Variants in FSTL5 observed in about 807,000 individuals in gnomAD.
FSTL5 encodes the protein follistatin-related protein 5.
FSTL5 carries 62 observed loss-of-function variants against 89.1 expected under a neutral mutation model. The ratio of observed to expected loss-of-function variants is 0.70; its 90% CI spans 0.57 to 0.86. The LOEUF is 0.86. FSTL5 is among the 40% of genes least tolerant of loss of function. The pLI, the probability that FSTL5 is intolerant of heterozygous loss-of-function variation, is 0.00. For missense variants in FSTL5, 1,057 were observed against 1,001.6 expected (o/e 1.06, Z -0.75); for synonymous variants, 383 against 346.2 (o/e 1.11, Z -1.18).
intron 6 of FSTL5, among the ~76,000 whole-genome samples, chr4:161,675,773 A>G (rs1056509026): frequency 6.6e-6 from 1 of 152,030 alleles, no homozygotes; most frequent in Non-Finnish European, 1.5e-5. Flanking sequence ...AATATAATTT[A>G]TGCTAATGAG....
chr4:161,950,095 A>T (rs930690202), intron 3 of FSTL5, among the ~76,000 whole-genome samples: 1 of 152,136 alleles, frequency 6.6e-6, no homozygotes, highest in Non-Finnish European at 1.5e-5. Flanking sequence ...TTCTGAGTCA[A>T]TACATCTGTT....
intron 7 of FSTL5, among the ~76,000 whole-genome samples, chr4:161,652,801 C>G (rs901838391): frequency 2.6e-5 from 4 of 151,826 alleles, no homozygotes; most frequent in African/African-American, 9.7e-5. Flanking sequence ...TTAATCCTAC[C>G]TAATATACAT....
intron 6 of FSTL5, among the ~76,000 whole-genome samples, chr4:161,664,263 T>A (rs1174970308): frequency 6.6e-6 from 1 of 152,362 alleles, no homozygotes; most frequent in African/African-American, 2.4e-5. Context: ...TTCTTTTCTA[T>A]CGCATAGTCA....
chr4:161,814,250 G>A (rs192669745), intron 4 of FSTL5, among the ~76,000 whole-genome samples: 3 of 152,126 alleles, frequency 2.0e-5, no homozygotes, highest in Admixed American at 2.0e-4. Context: ...CTCTATGAAA[G>A]TCTCATTAAA....
At chr4:161,907,039 T>C (rs1733556601) in intron 4 of FSTL5, among the ~76,000 whole-genome samples, 1 of 152,090 alleles carries the variant, frequency 6.6e-6, no homozygotes, top group Non-Finnish European at 1.5e-5. Flanking sequence ...CAATGTGTCG[T>C]GTAAATGTTT....
At chr4:161,810,958 T>C (rs1730118668) in intron 4 of FSTL5, among the ~76,000 whole-genome samples, 1 of 152,190 alleles carries the variant, frequency 6.6e-6, no homozygotes, top group Non-Finnish European at 1.5e-5. Flanking sequence ...AAAGTAACTA[T>C]GCGTCAGCCT....
intron 13 of FSTL5, among the ~76,000 whole-genome samples, chr4:161,468,680 T>C (rs942015252): frequency 6.6e-6 from 1 of 152,174 alleles, no homozygotes; most frequent in Non-Finnish European, 1.5e-5. Context: ...GATTTCTTCT[T>C]GTGTTTCATG....
chr4:161,536,735 GC>G (rs1234053750), intron 10 of FSTL5, among the ~76,000 whole-genome samples: 16 of 152,112 alleles, frequency 1.1e-4, no homozygotes, highest in Admixed American at 1.0e-3. Context: ...GACTAAGGGA[GC>G]TTTGGCTAGG....
At chr4:161,493,340 TCAC>T (rs1465559021) in intron 12 of FSTL5, among the ~76,000 whole-genome samples, 2 of 151,844 alleles carry the variant, frequency 1.3e-5, no homozygotes, top group Admixed American at 6.6e-5. Context: ...AGAAATATCA[TCAC>T]TAACTACCTT....
chr4:161,731,815 G>A (rs1469894670), intron 6 of FSTL5, among the ~76,000 whole-genome samples: 2 of 151,548 alleles, frequency 1.3e-5, no homozygotes, highest in Admixed American at 1.3e-4. Context: ...CCATTTTGTT[G>A]TGTGCATCGG....
At chr4:161,545,053 G>C (rs1296310025) in intron 8 of FSTL5, among the ~76,000 whole-genome samples, 3 of 151,948 alleles carry the variant, frequency 2.0e-5, no homozygotes, top group East Asian at 3.9e-4. Context: ...ATAACTTTCT[G>C]TTTCTAGTAA....
chr4:161,807,447 T>C (rs938708595), intron 4 of FSTL5, among the ~76,000 whole-genome samples: 3 of 152,234 alleles, frequency 2.0e-5, no homozygotes, highest in East Asian at 3.9e-4. Context: ...CTGGACAGAA[T>C]TGAGATTCAA....
At position 161,459,264 on chromosome 4, in the gene FSTL5, T is replaced by A; in HGVS notation, c.1664A>T (p.Gln555Leu). ...VKLHYDKSHD[Q>L]VWVLSWGTLE... ...GGTACCCCAGCTTAGCACCCAGACC[T>A]GATCATGTGATTTGTCATAGTGTAA... Residue 555 changes from glutamine (Q) to leucine (L), a missense_variant, in exon 14 of 16, where the codon CAG (glutamine) becomes CTG (leucine). Gln to Leu is a moderately radical substitution (Grantham distance 113). Coordinates refer to ENST00000306100, the MANE Select transcript of FSTL5 (RefSeq NM_020116.5). The A allele has an allele frequency of 6.2e-7, 1 of 1,613,528 alleles. No individual in the cohort carries two copies. Among genetic ancestry groups the A allele is most frequent in the Non-Finnish European group, 8.5e-7 (1 of 1,179,564 alleles).
At chr4:162,084,886 A>C (rs1326206844) in intron 2 of FSTL5, among the ~76,000 whole-genome samples, 1 of 152,100 alleles carries the variant, frequency 6.6e-6, no homozygotes, top group Non-Finnish European at 1.5e-5. Flanking sequence ...ACAAACCTGC[A>C]CATTCTGCAT....
chr4:162,034,483 C>T (rs1737657908), intron 2 of FSTL5, among the ~76,000 whole-genome samples: 1 of 152,094 alleles, frequency 6.6e-6, no homozygotes, highest in African/African-American at 2.4e-5. Flanking sequence ...ATGATTTATT[C>T]AAAGGCTGCT....
chr4:162,084,381 C>T (rs1041424226), intron 2 of FSTL5, among the ~76,000 whole-genome samples: 3 of 151,266 alleles, frequency 2.0e-5, no homozygotes, highest in Non-Finnish European at 4.4e-5. Context: ...ATTTGAAAAC[C>T]AGTCAATCAT....
chr4:161,929,746 T>C (rs1734235202), intron 3 of FSTL5, among the ~76,000 whole-genome samples: 1 of 148,552 alleles, frequency 6.7e-6, no homozygotes, highest in Non-Finnish European at 1.5e-5. Flanking sequence ...AAACATCTAG[T>C]GCAAAAGCCC....
At chr4:162,139,899 T>C (rs17460693) in intron 1 of FSTL5, among the ~76,000 whole-genome samples, 20,922 of 152,060 alleles carry the variant, frequency 0.14, 1,963 homozygotes, top group Non-Finnish European at 0.19. Flanking sequence ...CTTTGTTTTA[T>C]CTTTGTCATC....
intron 6 of FSTL5, among the ~76,000 whole-genome samples, chr4:161,697,943 GTGTGTGTGTGTGTGTA>G (rs1307089645): frequency 6.6e-6 from 1 of 151,748 alleles, no homozygotes; most frequent in Non-Finnish European, 1.5e-5. Context: ...GGGAAGGTGT[GTGTGTGTGTGTGTGTA>G]TGTGTGTGTG....
Sources: gnomAD v4.1 joint callset for allele counts (sites outside exome capture counted in the v4.1 genomes callset) on GRCh38, gnomAD v4.1.1 for gene constraint, MANE v1.5 for transcripts, NCBI Gene and HGNC (gene_info 2026-07-23, HGNC 2026-07-21) for gene names.